The following CDH18 variants were observed in gnomAD, a reference collection of about 807,000 sequenced individuals.
CDH18 encodes the protein cadherin-18.
A neutral mutation model predicts 67.9 loss-of-function variants in CDH18; 31 were observed. The observed-to-expected ratio is 0.46, with a 90% CI of 0.34 to 0.62. The LOEUF (loss-of-function observed/expected upper bound fraction) is 0.62. Among genes scored for constraint, CDH18 ranks in the 20% least tolerant of loss-of-function variants. The probability of loss-of-function intolerance (pLI) is 0.01; values close to 1 mark genes in which losing one functional copy is unlikely to be tolerated. For synonymous variants in CDH18, 362 were observed against 347.2 expected (o/e 1.04, Z -0.48); for missense variants, 890 against 975.5 (o/e 0.91, Z 1.17).
intron 2 of CDH18, among the ~76,000 whole-genome samples, chr5:19,962,221 T>C (rs185289726): frequency 6.6e-6 from 1 of 151,890 alleles, no homozygotes; most frequent in East Asian, 1.9e-4. Flanking sequence ...TTATCTCTAT[T>C]TCTCATATTT....
Position 19,521,302 on chromosome 5 carries a change from T to A in CDH18, c.1391-524A>T, listed in dbSNP as rs554321969. ...GGGGAAAAATAAATAATAATTGAAA[T>A]CAAAATTTAGCATGAGATTCATACA... On this transcript the variant is annotated intron_variant, in intron 9 of 12. Transcript: ENST00000382275. Among the ~76,000 whole-genome samples the A allele has an allele frequency of 5.9e-5, 9 of 152,224 alleles. No homozygotes were observed. The South Asian group carries it at 1.9e-3, about 32-fold the overall frequency.
intron 1 of CDH18, among the ~76,000 whole-genome samples, chr5:20,282,736 G>T (rs2126706255): frequency 6.6e-6 from 1 of 152,240 alleles, no homozygotes. Context: ...CTCATCAAAT[G>T]AGTTAGGGAG....
intron 2 of CDH18, among the ~76,000 whole-genome samples, chr5:20,003,875 C>T (rs946112646): frequency 1.3e-5 from 2 of 152,126 alleles, no homozygotes; most frequent in East Asian, 1.9e-4. Context: ...CCAGCCTGGT[C>T]GACAGAGCGA....
At chr5:20,501,893 T>TAC (rs61655025) in intron 1 of CDH18, among the ~76,000 whole-genome samples, 3,844 of 145,070 alleles carry the variant, frequency 0.026, 113 homozygotes, top group African/African-American at 0.076. Context: ...AATACTTCCT[T>TAC]ACACACACAC....
At chr5:19,737,367 C>A (rs1183422416) in intron 4 of CDH18, among the ~76,000 whole-genome samples, 1 of 152,152 alleles carries the variant, frequency 6.6e-6, no homozygotes, top group Non-Finnish European at 1.5e-5. Context: ...TCCAGCTATA[C>A]CTGATTGCAA....
chr5:20,300,754 C>T (rs1353338173), intron 1 of CDH18, among the ~76,000 whole-genome samples: 1 of 152,182 alleles, frequency 6.6e-6, no homozygotes, highest in Non-Finnish European at 1.5e-5. Context: ...TACTTCCTAA[C>T]ACCCAATAGT....
intron 2 of CDH18, among the ~76,000 whole-genome samples, chr5:19,994,472 C>G (rs1439461260): frequency 6.7e-6 from 1 of 150,298 alleles, no homozygotes; most frequent in Non-Finnish European, 1.5e-5. Context: ...CTTTAATGAA[C>G]ATCTCCGTTT....
intron 3 of CDH18, among the ~76,000 whole-genome samples, chr5:19,826,754 T>C (rs74599147): frequency 0.01 from 1,564 of 152,158 alleles, 24 homozygotes; most frequent in African/African-American, 0.035. Context: ...GGAAGAGAAA[T>C]ACCATTACCA....
At chr5:19,899,896 A>T (rs975415182) in intron 2 of CDH18, among the ~76,000 whole-genome samples, 2 of 152,170 alleles carry the variant, frequency 1.3e-5, no homozygotes, top group Admixed American at 1.3e-4. Flanking sequence ...TCAAGCTCAG[A>T]AACAGAGAGT....
At chr5:19,517,079 C>T (rs75271401) in intron 10 of CDH18, among the ~76,000 whole-genome samples, 2,947 of 152,106 alleles carry the variant, frequency 0.019, 78 homozygotes, top group African/African-American at 0.066. Flanking sequence ...AGTAGCAGTA[C>T]CATTTTACAC....
In CDH18 at chr5:20,137,349, T is replaced by C. The variant is rs565422225; in HGVS notation, c.-518+118095A>G. On this transcript the variant is annotated intron_variant, in intron 2 of 14. Coordinates refer to the CDH18 transcript ENST00000507958. Reference sequence around the variant, plus strand: ...CATTCATTTGATGTTCAATCACTGATACCCTTTCTTCCCCTTGATTGAATC... The same window carrying C: ...CATTCATTTGATGTTCAATCACTGACACCCTTTCTTCCCCTTGATTGAATC... Among the ~76,000 whole-genome samples, 20 of 152,264 alleles carry C rather than the reference T, an allele frequency of 1.3e-4. No homozygotes were observed. The Middle Eastern group carries it at 0.01, about 78-fold the overall frequency.
At chr5:20,450,576 G>A (rs147815110) in intron 1 of CDH18, among the ~76,000 whole-genome samples, 20 of 151,770 alleles carry the variant, frequency 1.3e-4, no homozygotes, top group Admixed American at 1.2e-3. Context: ...GTACACACAC[G>A]CATCCCCACA....
At chr5:20,114,723 C>G (rs1747747098) in intron 2 of CDH18, among the ~76,000 whole-genome samples, 1 of 152,056 alleles carries the variant, frequency 6.6e-6, no homozygotes, top group African/African-American at 2.4e-5. Context: ...GGAGGAAATT[C>G]AGAAGGAAGC....
rs1288831873 is a variant in CDH18, at chr5:19,485,821, C to A, written c.1631-2269G>T. ...GAAAAAGAGATGTGAGACACTGGTCCCTGAATCTCAGGAAACACGAATAAT... is the reference window on the plus strand; with the variant it reads ...GAAAAAGAGATGTGAGACACTGGTCACTGAATCTCAGGAAACACGAATAAT... On this transcript the variant is annotated intron_variant, in intron 11 of 12. Transcript: ENST00000382275. Among the ~76,000 whole-genome samples, 3 of 152,196 alleles carry A rather than the reference C, an allele frequency of 2.0e-5. No homozygotes were observed. In the South Asian group the frequency reaches 6.2e-4, roughly 32 times the overall value.
intron 2 of CDH18, among the ~76,000 whole-genome samples, chr5:20,082,055 T>C (rs1744523470): frequency 1.3e-5 from 2 of 152,158 alleles, no homozygotes; most frequent in African/African-American, 2.4e-5. Flanking sequence ...ACATCAGTAA[T>C]TCATGTTACA....
At chr5:20,193,186 A>T (rs1247075142) in intron 2 of CDH18, among the ~76,000 whole-genome samples, 2 of 151,806 alleles carry the variant, frequency 1.3e-5, no homozygotes, top group African/African-American at 4.8e-5. Context: ...AACAAAATAG[A>T]CCGCTAGTTA....
At chr5:19,765,647 C>T (rs996146840) in intron 3 of CDH18, among the ~76,000 whole-genome samples, 7 of 152,158 alleles carry the variant, frequency 4.6e-5, no homozygotes, top group African/African-American at 1.7e-4. Context: ...CCTATTGAGT[C>T]CTCGCTCTGG....
chr5:20,376,004 G>T (rs1743385563), intron 1 of CDH18, among the ~76,000 whole-genome samples: 1 of 150,254 alleles, frequency 6.7e-6, no homozygotes, highest in African/African-American at 2.4e-5. Context: ...AACGTGGTAT[G>T]TTGTAGGTAT....
At chr5:20,085,231 C>A (rs919412061) in intron 2 of CDH18, among the ~76,000 whole-genome samples, 8 of 152,134 alleles carry the variant, frequency 5.3e-5, no homozygotes, top group African/African-American at 1.9e-4. Flanking sequence ...CCACAAATAT[C>A]TAGAGAAGGG....
Sources: gnomAD v4.1 joint callset for allele counts (sites outside exome capture counted in the v4.1 genomes callset) on GRCh38, gnomAD v4.1.1 for gene constraint, MANE v1.5 for transcripts, NCBI Gene and HGNC (gene_info 2026-07-23, HGNC 2026-07-21) for gene names.